PATL1: variants seen among roughly 807,000 people sequenced by gnomAD.
PATL1 encodes protein PAT1 homolog 1.
PATL1 carries 32 observed loss-of-function variants against 100.6 expected under a neutral mutation model. The observed-to-expected ratio is 0.32, with a 90% CI of 0.24 to 0.43. The LOEUF (loss-of-function observed/expected upper bound fraction) is 0.43, where lower values mean the gene tolerates loss of function less well. PATL1 is among the 20% of genes least tolerant of loss of function. The pLI is 1.00. For synonymous variants in PATL1, 332 were observed against 330.0 expected, an observed-to-expected ratio of 1.01 and a Z score of -0.07; for missense variants, 747 against 949.9, an observed-to-expected ratio of 0.79 and a Z score of 2.81.
intron 15 of PATL1, among the ~76,000 whole-genome samples, chr11:59,644,976 G>A (rs1861340556): frequency 6.9e-6 from 1 of 144,516 alleles, no homozygotes; most frequent in African/African-American, 2.6e-5. Flanking sequence ...TCATTAATGG[G>A]TTCAGGTGTT....
At chr11:59,644,077 C>G (rs1244035372) in intron 15 of PATL1, among the ~76,000 whole-genome samples, 1 of 152,082 alleles carries the variant, frequency 6.6e-6, no homozygotes, top group Non-Finnish European at 1.5e-5. Flanking sequence ...TTTTTGTGGT[C>G]TACTATAAAT....
rs975165307 is a variant in PATL1, at chr11:59,651,558, G to T, written c.1510C>A (p.Arg504=). 3.7e-6 allele frequency: 6 copies of T among 1,609,084 alleles called. No homozygotes were observed. In the African/African-American group the frequency reaches 5.4e-5, roughly 14 times the overall value. The change falls in exon 12 of 19, where the codon CGG becomes AGG. Residue 504 remains arginine (R), a synonymous_variant. Coordinates refer to ENST00000300146, the MANE Select transcript of PATL1 (RefSeq NM_152716.3). ...RKMIDAVVTS[R]SEDDETKEKQ... ...TTGACACTTACATCATCCTCACTCC[G>T]AGATGTCACAACAGCATCAATCATT...
At position 59,651,645 on chromosome 11, in the gene PATL1, CA is replaced by C; in HGVS notation, c.1427-5del. 1 of 1,487,950 alleles carries C rather than the reference CA, an allele frequency of 6.7e-7. No homozygotes were observed. The allele number at this position is 1,487,950 out of a possible 1,614,324, so 92.2% of individuals were successfully genotyped here. On this transcript the variant is annotated splice_region_variant and splice_polypyrimidine_tract_variant and intron_variant, in intron 11 of 18. Transcript: ENST00000300146. ...CCCAAAGAGCCCTCAAATTGCACTG[CA>C]AAGACAAAAAAAAAAAAAATTCCAA...
At chr11:59,646,049 G>A (rs1323152717) in intron 15 of PATL1, among the ~76,000 whole-genome samples, 2 of 152,142 alleles carry the variant, frequency 1.3e-5, no homozygotes, top group Non-Finnish European at 2.9e-5. Flanking sequence ...CTAGAACTAG[G>A]TGTTGTATTT....
chr11:59,664,973 G>A (rs773932417), intron 2 of PATL1, among the ~76,000 whole-genome samples: 10 of 152,152 alleles, frequency 6.6e-5, no homozygotes, highest in Non-Finnish European at 8.8e-5. Context: ...CTTTGCCTGT[G>A]ATCTCCATGG....
chr11:59,653,115 A>T (rs1275605638), intron 9 of PATL1, 97 bp from the exon 10 acceptor site: 2,268 of 673,852 alleles, frequency 3.4e-3, no homozygotes, highest in Non-Finnish European at 4.1e-3. Context: ...TTTTTTTTTT[A>T]AAGATTCCCG....
intron 14 of PATL1, among the ~76,000 whole-genome samples, chr11:59,648,137 T>TA (rs944433295): frequency 1.3e-4 from 19 of 150,450 alleles, no homozygotes; most frequent in South Asian, 4.2e-4. Context: ...ATTATATGGT[T>TA]AAAAAAAACT....
At chr11:59,642,214 T>C (rs1321792565) in intron 16 of PATL1, among the ~76,000 whole-genome samples, 1 of 152,214 alleles carries the variant, frequency 6.6e-6, no homozygotes, top group Admixed American at 6.5e-5. Flanking sequence ...TCATATTATG[T>C]TTCCCCTAGG....
Position 59,668,899 on chromosome 11 carries a change from TGGGGAGGGGGGCAGGGAGC to T in PATL1, c.-23_-5del. The stretch of plus-strand genomic sequence containing the variant: ...AGCTCACCTCGTAGCGGAACATTCT[TGGGGAGGGGGGCAGGGAGC>T]GGGGAGGGGAGAGGGGGAGGGAGGG... On this transcript the variant is annotated 5_prime_UTR_variant, in exon 1 of 19. Transcript: ENST00000300146. 9.0e-6 allele frequency: 6 copies of T among 667,740 alleles called. No individual in the cohort carries two copies. Among genetic ancestry groups the T allele is most frequent in the Non-Finnish European group, 1.3e-5 (6 of 478,248 alleles). 41.4% of individuals were successfully genotyped at this position (667,740 alleles called of 1,614,324 possible). A position where few individuals can be genotyped will look rare whatever the true frequency, so the allele number is the denominator to read the frequency against.
chr11:59,648,988 T>C (rs1255125404), intron 14 of PATL1, among the ~76,000 whole-genome samples: 2 of 152,274 alleles, frequency 1.3e-5, no homozygotes, highest in African/African-American at 4.8e-5. Context: ...CTTTTGCAGA[T>C]AATGGGGTAG....
At chr11:59,646,854 A>G (rs1175910580) in intron 15 of PATL1, among the ~76,000 whole-genome samples, 1 of 152,210 alleles carries the variant, frequency 6.6e-6, no homozygotes, top group Non-Finnish European at 1.5e-5. Flanking sequence ...ACTCTAACCA[A>G]GAATTAACTT....
chr11:59,668,792 G>C, intron 1 of PATL1, 89 bp downstream of exon 1: 1 of 682,396 alleles, frequency 1.5e-6, no homozygotes, highest in Non-Finnish European at 2.5e-6. Context: ...CCCCTGCCCC[G>C]CAGGAACACA....
chr11:59,656,546 C>G lies in PATL1; in HGVS notation c.676G>C (p.Ala226Pro). 6.2e-7 allele frequency: 1 copy of G among 1,613,968 alleles called. No individual in the cohort carries two copies. Among genetic ancestry groups the G allele is most frequent in the Non-Finnish European group, 8.5e-7 (1 of 1,179,880 alleles). The change falls in exon 6 of 19, where the codon GCT becomes CCT. Residue 226 changes from alanine to proline, a missense_variant. Physicochemically the swap from Ala to Pro is conservative, Grantham distance 27 (BLOSUM62 -1). Around this residue, in one of 4 missense-constraint regions of PATL1, gnomAD observed 127 missense variants for 116.0 expected, o/e 1.09. Coordinates refer to ENST00000300146, the MANE Select transcript of PATL1 (RefSeq NM_152716.3). ...VRPPMPPRYPAPYGERMSPNQ... is the reference protein window; with the variant it reads ...VRPPMPPRYPPPYGERMSPNQ... The stretch of plus-strand genomic sequence containing the variant: ...GGAGACATCCTCTCACCATAGGGAG[C>G]AGGATAACGAGGTGGCATTGGGGGC...
At chr11:59,653,576 T>TA (rs1861478037) in intron 9 of PATL1, among the ~76,000 whole-genome samples, 1 of 152,200 alleles carries the variant, frequency 6.6e-6, no homozygotes, top group Non-Finnish European at 1.5e-5. Context: ...TATTTTAAAG[T>TA]AATATTAAAA....
chr11:59,664,463 T>C (rs1468475441), intron 2 of PATL1, among the ~76,000 whole-genome samples: 1 of 152,228 alleles, frequency 6.6e-6, no homozygotes, highest in Non-Finnish European at 1.5e-5. Flanking sequence ...TTCATTTTAA[T>C]ACTGAAGAAT....
Position 59,668,968 on chromosome 11 carries a change from T to C in PATL1, c.-73A>G. The C allele has an allele frequency of 3.2e-6, 1 of 317,036 alleles. No homozygotes were observed. Among genetic ancestry groups the C allele is most frequent in the Non-Finnish European group, 6.0e-6 (1 of 167,030 alleles). The allele number at this position is 317,036 out of a possible 1,614,324, so 19.6% of individuals were successfully genotyped here. On this transcript the variant is annotated 5_prime_UTR_variant, in exon 1 of 19. Coordinates refer to ENST00000300146, the MANE Select transcript of PATL1 (RefSeq NM_152716.3). ...GAAGAAGCGCTGACTCCCCGGCTCC[T>C]CCGCGCGCGGGTCCTCCACCGGCTC...
At chr11:59,656,454 A>C in intron 6 of PATL1, 45 bp downstream of exon 6, 1 of 1,497,374 alleles carries the variant, frequency 6.7e-7, no homozygotes, top group Admixed American at 1.7e-5. Context: ...AATAGTGATC[A>C]GAAAATACAT....
At position 59,647,359 on chromosome 11, in the gene PATL1, A is replaced by G. The variant is rs11601342; in HGVS notation, c.1893+395T>C. On this transcript the variant is annotated intron_variant, in intron 15 of 18. Transcript: ENST00000300146. ...ATACTTCATATCTAGCAAAATAACC[A>G]AGACTATAAGTTTTCAAACTTCAGT... Among the ~76,000 whole-genome samples the G allele has an allele frequency of 3.8e-3, 576 of 152,326 alleles. 5 individuals are homozygous for G. The highest frequency in any genetic ancestry group is 6.0e-3 in the Non-Finnish European group (409 of 68,030).
At chr11:59,639,412 T>C in intron 16 of PATL1, 29 bp from the exon 17 acceptor site, 1 of 1,513,358 alleles carries the variant, frequency 6.6e-7, no homozygotes, top group South Asian at 1.2e-5. Flanking sequence ...GGAATCAAAC[T>C]CAACACTGTG....
Sources: allele counts gnomAD v4.1 joint callset (sites outside exome capture counted in the v4.1 genomes callset), GRCh38; gene constraint gnomAD v4.1.1; regional missense constraint gnomAD v4.1.1; transcripts MANE v1.5; gene names NCBI Gene and HGNC (gene_info 2026-07-23, HGNC 2026-07-21).